The following PIWIL1 variants were observed in gnomAD, a reference collection of about 807,000 sequenced individuals.
PIWIL1 encodes the protein piwi-like protein 1.
In PIWIL1, 73 loss-of-function variants were observed where a neutral mutation model predicts 114.4. The observed-to-expected ratio is 0.64, with a 90% confidence interval of 0.53 to 0.78. The LOEUF (loss-of-function observed/expected upper bound fraction) is 0.78. Among genes scored for constraint, PIWIL1 ranks in the 30% least tolerant of loss-of-function variants. The pLI, the probability that PIWIL1 is intolerant of heterozygous loss-of-function variation, is 0.00. For missense variants in PIWIL1, 723 were observed against 1,063.1 expected, an observed-to-expected ratio of 0.68 and a Z score of 4.45; for synonymous variants, 375 against 369.0, an observed-to-expected ratio of 1.02 and a Z score of -0.19.
chr12:130,423,985 G>A, the PIWIL1 span, among the ~76,000 whole-genome samples: 1 of 152,278 alleles, frequency 6.6e-6, no homozygotes, highest in African/African-American at 2.4e-5. Flanking sequence ...AGGTTGGGAA[G>A]CAAATCGGAC....
At chr12:130,406,289 G>A in the PIWIL1 span, 2 of 1,309,078 alleles carry the variant, frequency 1.5e-6, no homozygotes, top group South Asian at 1.3e-5. Flanking sequence ...CTACACAACA[G>A]TAGTAGTTTT....
At chr12:130,344,151 C>G (rs2136129377) in intron 3 of PIWIL1, among the ~76,000 whole-genome samples, 2 of 152,294 alleles carry the variant, frequency 1.3e-5, no homozygotes, top group South Asian at 4.1e-4. Context: ...TATTCAGAAA[C>G]TGGCAATTGG....
chr12:130,393,319 G>A, the PIWIL1 span, among the ~76,000 whole-genome samples: 1 of 150,550 alleles, frequency 6.6e-6, no homozygotes, highest in Non-Finnish European at 1.5e-5. Flanking sequence ...TGAATGTTGT[G>A]ATGACCCGGT....
At position 130,345,677 on chromosome 12, in the gene PIWIL1, A is replaced by C. The variant is rs1381538640; in HGVS notation, c.191-76A>C. ...CTCAGTATCCTTTGGATTACACATAATAGCACTATGGGAGTTAATATTGTC... is the reference window on the plus strand; with the variant it reads ...CTCAGTATCCTTTGGATTACACATACTAGCACTATGGGAGTTAATATTGTC... On this transcript the variant is annotated intron_variant, in intron 3 of 20. Transcript: ENST00000245255. 6.1e-6 allele frequency: 9 copies of C among 1,487,242 alleles called. No individual in the cohort carries two copies. The East Asian group carries it at 2.0e-4, about 34-fold the overall frequency. 92.1% of individuals were successfully genotyped at this position (1,487,242 alleles called of 1,614,324 possible). A position where few individuals can be genotyped will look rare whatever the true frequency, so the allele number is the denominator to read the frequency against.
intron 19 of PIWIL1, among the ~76,000 whole-genome samples, chr12:130,369,008 A>G (rs994950212): frequency 2.0e-5 from 3 of 151,996 alleles, no homozygotes; most frequent in Admixed American, 2.0e-4. Context: ...CCCCACATGC[A>G]TTAGCTCATG....
the PIWIL1 span, chr12:130,399,193 A>AAT: frequency 4.0e-6 from 5 of 1,239,664 alleles, no homozygotes; most frequent in Non-Finnish European, 5.3e-6. Context: ...AAGAAATAAA[A>AAT]ATATATATAT....
rs779624948 is a variant in PIWIL1 at position 130,350,089 on chromosome 12, G to A, written c.1044+122G>A. ...GCTGTGTGTAAATGTATTTGTTAGG[G>A]CAATCACAGCATAATTTTATTCATT... On this transcript the variant is annotated intron_variant, in intron 9 of 20. Coordinates refer to ENST00000245255, the MANE Select transcript of PIWIL1 (RefSeq NM_004764.5). 1.1e-4 allele frequency: 61 copies of A among 567,442 alleles called. 2 individuals carry two copies. In the South Asian group the frequency reaches 1.4e-3, roughly 13 times the overall value. The allele number at this position is 567,442 out of a possible 1,614,324, so 35.2% of individuals were successfully genotyped here. A position where few individuals can be genotyped will look rare whatever the true frequency, so the allele number is the denominator to read the frequency against.
chr12:130,356,480 C>T (rs922624551), intron 12 of PIWIL1, among the ~76,000 whole-genome samples: 7 of 151,830 alleles, frequency 4.6e-5, no homozygotes, highest in Non-Finnish European at 7.4e-5. Context: ...TGCTGTGCCT[C>T]GCGTTTATTT....
chr12:130,397,426 T>G, the PIWIL1 span: 1 of 398,994 alleles, frequency 2.5e-6, no homozygotes, highest in Non-Finnish European at 4.4e-6. Flanking sequence ...TTTTTCTTTT[T>G]CGAGGACATT....
the PIWIL1 span, among the ~76,000 whole-genome samples, chr12:130,415,686 C>T: frequency 6.6e-6 from 1 of 150,886 alleles, no homozygotes; most frequent in African/African-American, 2.4e-5. Context: ...GACAAGGCAT[C>T]CATATAGGAA....
At chr12:130,414,311 G>T in the PIWIL1 span, 1 of 1,573,896 alleles carries the variant, frequency 6.4e-7, no homozygotes, top group South Asian at 1.2e-5. Context: ...AATCGTCTGC[G>T]AGCAAGTGGG....
the PIWIL1 span, among the ~76,000 whole-genome samples, chr12:130,388,889 C>G: frequency 6.0e-4 from 91 of 152,194 alleles, no homozygotes; most frequent in African/African-American, 2.1e-3. Context: ...ATTCTGTTTT[C>G]TTCTTTCCAA....
chr12:130,377,155 C>T (rs1409879507), downstream of PIWIL1, among the ~76,000 whole-genome samples: 1 of 152,226 alleles, frequency 6.6e-6, no homozygotes, highest in Non-Finnish European at 1.5e-5. Context: ...CCGCTAGATG[C>T]TGAGCCCATG....
Position 130,346,410 on chromosome 12 carries a change from C to T in PIWIL1, c.357C>T (p.Phe119=), listed in dbSNP as rs1200768954. The part of the protein sequence containing the change: ...GIIVRLSTNH[F]RLTSRPQWAL... Reference sequence around the variant, plus strand: ...TAGTAAGGTTAAGCACTAACCATTTCCGGCTGACATCCCGTCCCCAGTGGG... The same window carrying T: ...TAGTAAGGTTAAGCACTAACCATTTTCGGCTGACATCCCGTCCCCAGTGGG... The change falls in exon 5 of 21, where the codon TTC becomes TTT. Residue 119 remains phenylalanine, a synonymous_variant. Transcript: ENST00000245255. The T allele has an allele frequency of 2.5e-6, 4 of 1,613,998 alleles. No individual in the cohort carries two copies. The East Asian group carries it at 6.7e-5, about 27-fold the overall frequency.
At chr12:130,357,346 G>T (rs1159647887) in intron 13 of PIWIL1, 135 bp from the exon 14 acceptor site, 1 of 697,240 alleles carries the variant, frequency 1.4e-6, no homozygotes, top group African/African-American at 1.8e-5. Flanking sequence ...ACAGCCCTTG[G>T]CATGAATGGC....
intron 18 of PIWIL1, chr12:130,366,704 A>G (rs1197594566): frequency 1.2e-5 from 2 of 160,198 alleles, no homozygotes. Flanking sequence ...TCCCCGATAT[A>G]TAGTGAAACG....
chr12:130,425,852 CTCTTGCTGTGGGCCCCTT>C, the PIWIL1 span: 2 of 152,412 alleles, frequency 1.3e-5, no homozygotes, highest in Non-Finnish European at 2.9e-5. Flanking sequence ...TCTGTCCCCC[CTCTTGCTGTGGGCCCCTT>C]GATCTTGGGG....
chr12:130,417,271 A>C, the PIWIL1 span, among the ~76,000 whole-genome samples: 4 of 152,220 alleles, frequency 2.6e-5, no homozygotes, highest in African/African-American at 9.6e-5. Flanking sequence ...CGTTTCACCA[A>C]AAAGACACAG....
chr12:130,396,584 C>T, the PIWIL1 span: 3 of 152,614 alleles, frequency 2.0e-5, no homozygotes, highest in Non-Finnish European at 4.4e-5. Flanking sequence ...TTGGGTATGG[C>T]ATTTTGACAA....
Sources: allele counts gnomAD v4.1 joint callset (sites outside exome capture counted in the v4.1 genomes callset), GRCh38; gene constraint gnomAD v4.1.1; transcripts MANE v1.5; gene names NCBI Gene and HGNC (gene_info 2026-07-23, HGNC 2026-07-21).